The following KCNMA1 variants were observed in gnomAD, a reference collection of about 807,000 sequenced individuals.
KCNMA1 encodes the protein Calcium-activated potassium channel subunit alpha-1.
KCNMA1 carries 29 observed loss-of-function variants against 140.0 expected under a neutral mutation model. That is an observed-to-expected ratio of 0.21 (90% confidence interval 0.15 to 0.28). The LOEUF (loss-of-function observed/expected upper bound fraction) is 0.28, where lower values mean the gene tolerates loss of function less well. KCNMA1 is among the 10% of genes least tolerant of loss of function. The probability of loss-of-function intolerance (pLI) is 1.00; values close to 1 mark genes in which losing one functional copy is unlikely to be tolerated. For synonymous variants in KCNMA1, 612 were observed against 611.9 expected, an observed-to-expected ratio of 1.00 and a Z score of 0.00; for missense variants, 880 against 1,602.2, an observed-to-expected ratio of 0.55 and a Z score of 7.70.
At chr10:77,428,235 C>T (rs2097069060) in intron 1 of KCNMA1, among the ~76,000 whole-genome samples, 1 of 152,154 alleles carries the variant, frequency 6.6e-6, no homozygotes, top group Admixed American at 6.5e-5. Context: ...CAAGGTTCCC[C>T]CAAAGTTACT....
At chr10:77,107,165 T>C (rs1420427662) in intron 9 of KCNMA1, among the ~76,000 whole-genome samples, 1 of 152,064 alleles carries the variant, frequency 6.6e-6, no homozygotes, top group Admixed American at 6.6e-5. Flanking sequence ...TGGAGGGAAA[T>C]ACAATGCTCC....
At chr10:76,948,494 T>A (rs1382442261) in intron 22 of KCNMA1, among the ~76,000 whole-genome samples, 1 of 152,214 alleles carries the variant, frequency 6.6e-6, no homozygotes, top group Non-Finnish European at 1.5e-5. Flanking sequence ...GACTCCTAAA[T>A]CCCATATCCT....
intron 2 of KCNMA1, among the ~76,000 whole-genome samples, chr10:77,282,714 G>C (rs940014548): frequency 8.7e-6 from 1 of 115,254 alleles, no homozygotes; most frequent in Non-Finnish European, 2.1e-5. Context: ...ACAACAAAGA[G>C]ATAGAAGCTC....
At chr10:77,394,469 G>T (rs1315272817) in intron 2 of KCNMA1, among the ~76,000 whole-genome samples, 1 of 152,212 alleles carries the variant, frequency 6.6e-6, no homozygotes, top group African/African-American at 2.4e-5. Flanking sequence ...TAGACTCTGA[G>T]CTGCCAGCAG....
chr10:77,455,476 A>T (rs1397497053), intron 1 of KCNMA1, among the ~76,000 whole-genome samples: 1 of 152,032 alleles, frequency 6.6e-6, no homozygotes, highest in Non-Finnish European at 1.5e-5. Flanking sequence ...CTCCTTTGCC[A>T]TGTGAGGCTC....
chr10:77,567,455 C>T (rs536049599), intron 1 of KCNMA1, among the ~76,000 whole-genome samples: 1 of 152,288 alleles, frequency 6.6e-6, no homozygotes, highest in Admixed American at 6.5e-5. Flanking sequence ...AATCCTAGCC[C>T]CTGGAGGAAC....
At chr10:77,035,601 C>T (rs1410197224) in intron 15 of KCNMA1, among the ~76,000 whole-genome samples, 1 of 152,244 alleles carries the variant, frequency 6.6e-6, no homozygotes, top group East Asian at 1.9e-4. Context: ...AGAAGTGGCA[C>T]CAAGCTTGGC....
At position 76,887,138 on chromosome 10, in the gene KCNMA1, T is replaced by A; in HGVS notation, c.*128A>T. On this transcript the variant is annotated 3_prime_UTR_variant, in exon 28 of 28. Coordinates refer to ENST00000286628, the MANE Select transcript of KCNMA1 (RefSeq NM_001161352.2). ...ACAACCACATGCACACTATCATACA[T>A]ATGCAAATATGTGTAAAAAAAAAGG... 6.2e-7 allele frequency: 1 copy of A among 1,604,224 alleles called. No homozygotes were observed. The highest frequency in any genetic ancestry group is 8.5e-7 in the Non-Finnish European group (1 of 1,178,352).
chr10:77,205,007 A>T (rs1394981949), intron 3 of KCNMA1, among the ~76,000 whole-genome samples: 1 of 152,120 alleles, frequency 6.6e-6, no homozygotes, highest in Non-Finnish European at 1.5e-5. Context: ...TGATGTTCTT[A>T]AAAACCACAG....
At chr10:77,445,084 C>A (rs1262375042) in intron 1 of KCNMA1, among the ~76,000 whole-genome samples, 1 of 152,060 alleles carries the variant, frequency 6.6e-6, no homozygotes, top group Non-Finnish European at 1.5e-5. Flanking sequence ...ATTCCAGAAT[C>A]CCAACGGCAA....
intron 2 of KCNMA1, among the ~76,000 whole-genome samples, chr10:77,299,848 C>G (rs1276369839): frequency 6.6e-6 from 1 of 152,190 alleles, no homozygotes; most frequent in African/African-American, 2.4e-5. Flanking sequence ...CCCAGAGCTA[C>G]AAGGCTCTCC....
intron 1 of KCNMA1, chr10:77,587,781 TACTG>T (rs2077695989): frequency 1.0e-6 from 1 of 985,358 alleles, no homozygotes; most frequent in Non-Finnish European, 1.2e-6. Context: ...AGCAAACACT[TACTG>T]AGCGCCTATC....
chr10:77,048,513 T>C (rs1423944554), intron 14 of KCNMA1, among the ~76,000 whole-genome samples: 1 of 152,182 alleles, frequency 6.6e-6, no homozygotes, highest in Non-Finnish European at 1.5e-5. Flanking sequence ...GATTCTGTGG[T>C]GGCCCCTACT....
intron 1 of KCNMA1, among the ~76,000 whole-genome samples, chr10:77,610,451 G>A (rs918541862): frequency 3.9e-5 from 6 of 152,320 alleles, no homozygotes; most frequent in Non-Finnish European, 8.8e-5. Flanking sequence ...GCCCCAAAAG[G>A]TAAGCGGAGT....
intron 16 of KCNMA1, chr10:77,025,564 A>T (rs1455215686): frequency 7.8e-6 from 7 of 896,458 alleles, no homozygotes; most frequent in Non-Finnish European, 1.2e-5. Context: ...CACTTGAAGG[A>T]TGCATGTGAA....
intron 22 of KCNMA1, among the ~76,000 whole-genome samples, chr10:76,945,649 A>C (rs1028493339): frequency 3.3e-5 from 5 of 152,232 alleles, no homozygotes; most frequent in Non-Finnish European, 7.3e-5. Context: ...GGAATGGAGA[A>C]ATATACTTTT....
At chr10:77,379,847 G>A (rs542493134) in intron 2 of KCNMA1, among the ~76,000 whole-genome samples, 4 of 152,210 alleles carry the variant, frequency 2.6e-5, no homozygotes, top group African/African-American at 9.6e-5. Context: ...AACATTTGGT[G>A]TCCACTTGGG....
intron 2 of KCNMA1, among the ~76,000 whole-genome samples, chr10:77,403,418 G>C (rs1168536478): frequency 1.3e-5 from 2 of 151,968 alleles, no homozygotes; most frequent in African/African-American, 2.4e-5. Context: ...CTGCAAGAGG[G>C]GGTCCCTATG....
chr10:77,381,237 T>C (rs2095371910), intron 2 of KCNMA1, among the ~76,000 whole-genome samples: 1 of 152,094 alleles, frequency 6.6e-6, no homozygotes, highest in Non-Finnish European at 1.5e-5. Context: ...TGGATTTTAG[T>C]GGAGACAGGG....
Sources: gnomAD v4.1 joint callset for allele counts (sites outside exome capture counted in the v4.1 genomes callset) on GRCh38, gnomAD v4.1.1 for gene constraint, MANE v1.5 for transcripts, NCBI Gene and HGNC (gene_info 2026-07-23, HGNC 2026-07-21) for gene names.